UTRN: variants seen among roughly 807,000 people sequenced by gnomAD.
UTRN encodes dystrophin-related protein 1.
UTRN carries 283 observed loss-of-function variants against 463.9 expected under a neutral mutation model. That is an observed-to-expected ratio of 0.61 (90% CI 0.55 to 0.67). The LOEUF (loss-of-function observed/expected upper bound fraction) is 0.67. Among genes scored for constraint, UTRN ranks in the 30% least tolerant of loss-of-function variants. UTRN has a pLI of 0.00. For synonymous variants in UTRN, 1,442 were observed against 1,431.5 expected, an observed-to-expected ratio of 1.01 and a Z score of -0.17; for missense variants, 3,922 against 4,084.3, an observed-to-expected ratio of 0.96 and a Z score of 1.08.
intron 2 of UTRN, among the ~76,000 whole-genome samples, chr6:144,300,857 C>G (rs1325746522): frequency 6.6e-6 from 1 of 152,120 alleles, no homozygotes; most frequent in Non-Finnish European, 1.5e-5. Flanking sequence ...ATAAAATACC[C>G]CGAAGCAAAT....
intron 53 of UTRN, among the ~76,000 whole-genome samples, chr6:144,724,888 A>T (rs983662793): frequency 6.6e-6 from 1 of 152,238 alleles, no homozygotes; most frequent in African/African-American, 2.4e-5. Flanking sequence ...GAATAAGGCT[A>T]CTATAAACAT....
intron 51 of UTRN, among the ~76,000 whole-genome samples, chr6:144,596,743 C>G (rs1484292594): frequency 1.3e-5 from 2 of 152,062 alleles, no homozygotes; most frequent in African/African-American, 2.4e-5. Context: ...TTATTTTACT[C>G]TTTTTTCAAT....
chr6:144,490,249 T>C (rs371799094), intron 31 of UTRN, 50 bp downstream of exon 31: 1 of 1,566,094 alleles, frequency 6.4e-7, no homozygotes, highest in Non-Finnish European at 8.6e-7. Flanking sequence ...TTGGGAATTT[T>C]CTTCAAAAAA....
At chr6:144,402,260 AT>A (rs1782996711) in intron 2 of UTRN, among the ~76,000 whole-genome samples, 4 of 152,200 alleles carry the variant, frequency 2.6e-5, no homozygotes. Context: ...CAAGCTAGGT[AT>A]TATTTATCCC....
chr6:144,500,992 C>T (rs10457761), intron 34 of UTRN, among the ~76,000 whole-genome samples: 31,612 of 152,134 alleles, frequency 0.21, 3,355 homozygotes, highest in South Asian at 0.32. Flanking sequence ...CAGCTCTACA[C>T]GTTTGCTGTG....
At chr6:144,831,321 C>A (rs560908481) in intron 69 of UTRN, among the ~76,000 whole-genome samples, 1 of 152,054 alleles carries the variant, frequency 6.6e-6, no homozygotes, top group Non-Finnish European at 1.5e-5. Context: ...CCCAAGGGTC[C>A]TCATAAAGGG....
chr6:144,350,944 C>T (rs368142063), intron 2 of UTRN, among the ~76,000 whole-genome samples: 41 of 152,252 alleles, frequency 2.7e-4, no homozygotes, highest in East Asian at 2.3e-3. Context: ...GTCATCATCC[C>T]AAACTGTGCT....
At chr6:144,687,999 G>A (rs1236743984) in intron 52 of UTRN, among the ~76,000 whole-genome samples, 1 of 151,958 alleles carries the variant, frequency 6.6e-6, no homozygotes, top group East Asian at 1.9e-4. Flanking sequence ...CTTAGATTTG[G>A]CCCTTTTACA....
chr6:144,824,150 G>T (rs1779833503), intron 66 of UTRN, among the ~76,000 whole-genome samples: 1 of 152,022 alleles, frequency 6.6e-6, no homozygotes, highest in Non-Finnish European at 1.5e-5. Flanking sequence ...GCAAGAAATG[G>T]CAGTGGAGAG....
intron 3 of UTRN, among the ~76,000 whole-genome samples, chr6:144,410,212 T>C (rs947972876): frequency 6.6e-6 from 1 of 152,210 alleles, no homozygotes. Context: ...TGATTTTATT[T>C]ACCTTTACAC....
intron 2 of UTRN, among the ~76,000 whole-genome samples, chr6:144,297,081 A>C (rs1037586400): frequency 2.6e-5 from 4 of 151,590 alleles, no homozygotes; most frequent in African/African-American, 9.7e-5. Context: ...GCTTTTAACG[A>C]GCTGAAGTTA....
At chr6:144,577,400 T>C (rs1426380527) in intron 51 of UTRN, 112 bp downstream of exon 51, 3 of 1,084,380 alleles carry the variant, frequency 2.8e-6, no homozygotes, top group East Asian at 2.6e-5. Flanking sequence ...TATTCTCTTA[T>C]GAAATCCGTG....
intron 2 of UTRN, among the ~76,000 whole-genome samples, chr6:144,368,097 C>T (rs1229814072): frequency 6.6e-6 from 1 of 152,050 alleles, no homozygotes; most frequent in Non-Finnish European, 1.5e-5. Context: ...TCCTTTATTA[C>T]TGATAATCCT....
At chr6:144,492,992 C>T (rs946332508) in intron 32 of UTRN, among the ~76,000 whole-genome samples, 2 of 152,096 alleles carry the variant, frequency 1.3e-5, no homozygotes, top group South Asian at 2.1e-4. Context: ...GTTTTTAGTC[C>T]TAATGTTTTC....
chr6:144,294,987 T>C (rs1361440948), intron 2 of UTRN, among the ~76,000 whole-genome samples: 1 of 152,104 alleles, frequency 6.6e-6, no homozygotes, highest in Non-Finnish European at 1.5e-5. Flanking sequence ...TGACCAAGGA[T>C]TTGGTGTTGG....
intron 2 of UTRN, among the ~76,000 whole-genome samples, chr6:144,397,449 G>T (rs1162327456): frequency 6.6e-6 from 1 of 151,932 alleles, no homozygotes; most frequent in Non-Finnish European, 1.5e-5. Flanking sequence ...TTTATTACAA[G>T]AACATTTTTA....
intron 13 of UTRN, among the ~76,000 whole-genome samples, chr6:144,441,829 C>G (rs768134405): frequency 6.6e-6 from 1 of 152,224 alleles, no homozygotes; most frequent in East Asian, 1.9e-4. Context: ...AACCTCAATT[C>G]TTGACTTCTG....
At chr6:144,700,431 A>G (rs1289871473) in intron 53 of UTRN, among the ~76,000 whole-genome samples, 188 bp downstream of exon 53, 1 of 151,874 alleles carries the variant, frequency 6.6e-6, no homozygotes, top group Non-Finnish European at 1.5e-5. Flanking sequence ...TTATCTTCAC[A>G]TTTAACTAAA....
At chr6:144,604,400 A>G (rs1804596864) in intron 51 of UTRN, among the ~76,000 whole-genome samples, 1 of 152,178 alleles carries the variant, frequency 6.6e-6, no homozygotes, top group Non-Finnish European at 1.5e-5. Context: ...TTGTTACTAT[A>G]CTTCATAAAA....
Sources: allele counts gnomAD v4.1 joint callset (sites outside exome capture counted in the v4.1 genomes callset), GRCh38; gene constraint gnomAD v4.1.1; transcripts MANE v1.5; gene names NCBI Gene and HGNC (gene_info 2026-07-23, HGNC 2026-07-21).